Variants in SUSD6 observed in about 807,000 individuals in gnomAD.
The protein encoded by SUSD6 is sushi domain containing 6, also known as sushi domain-containing protein 6.
A neutral mutation model predicts 28.4 loss-of-function variants in SUSD6; 16 were observed. The observed-to-expected ratio is 0.56, with a 90% CI of 0.38 to 0.86. SUSD6 has a LOEUF of 0.86. SUSD6 is among the 40% of genes least tolerant of loss of function. SUSD6 has a pLI of 0.00. For missense variants in SUSD6, 341 were observed against 384.2 expected, an observed-to-expected ratio of 0.89 and a Z score of 0.94; for synonymous variants, 147 against 159.6, an observed-to-expected ratio of 0.92 and a Z score of 0.59.
rs181455105 is a variant in SUSD6 at position 69,695,339 on chromosome 14, T to C, written c.122-8056T>C. 1.8e-4 allele frequency among the ~76,000 whole-genome samples: 27 copies of C among 152,332 alleles called. No individual in the cohort carries two copies. The East Asian group carries it at 2.7e-3, about 15-fold the overall frequency. ...GAATCTGTCCCAATGCAGGAATTTC[T>C]GCATGGACAGGATGATCTCTAGCCC... On this transcript the variant is annotated intron_variant, in intron 2 of 5. Transcript: ENST00000342745.
intron 1 of SUSD6, among the ~76,000 whole-genome samples, chr14:69,624,892 ACTT>A (rs1177783038): frequency 6.6e-6 from 1 of 152,208 alleles, no homozygotes; most frequent in African/African-American, 2.4e-5. Flanking sequence ...GGGAACTTTA[ACTT>A]CTTAAACTTG....
chr14:69,644,603 A>G (rs1348839998), intron 1 of SUSD6, among the ~76,000 whole-genome samples: 2 of 152,030 alleles, frequency 1.3e-5, no homozygotes, highest in Non-Finnish European at 2.9e-5. Flanking sequence ...AGATTATGCC[A>G]CTGCACTCCA....
At chr14:69,617,858 G>C (rs1038247444) in intron 1 of SUSD6, among the ~76,000 whole-genome samples, 1 of 152,212 alleles carries the variant, frequency 6.6e-6, no homozygotes, top group African/African-American at 2.4e-5. Flanking sequence ...AAGGTAGGGA[G>C]GAGGGAGAGG....
At chr14:69,662,306 C>T (rs1416925928) in intron 2 of SUSD6, among the ~76,000 whole-genome samples, 1 of 152,124 alleles carries the variant, frequency 6.6e-6, no homozygotes, top group East Asian at 1.9e-4. Context: ...CGTCTCTGGT[C>T]GTAGATACCA....
intron 1 of SUSD6, among the ~76,000 whole-genome samples, chr14:69,648,740 G>A (rs545805067): frequency 6.6e-6 from 1 of 152,198 alleles, no homozygotes; most frequent in South Asian, 2.1e-4. Context: ...CCTGGAGGAG[G>A]TGTTTCCTGC....
intron 2 of SUSD6, among the ~76,000 whole-genome samples, chr14:69,682,947 CTTTTTTTTTT>C (rs5809442): frequency 1.6e-5 from 1 of 62,668 alleles, no homozygotes; most frequent in African/African-American, 4.8e-5. Flanking sequence ...TCCAAGAAGC[CTTTTTTTTTT>C]TTTTTTTTTT....
At chr14:69,615,176 A>C (rs955536271) in intron 1 of SUSD6, among the ~76,000 whole-genome samples, 1 of 152,172 alleles carries the variant, frequency 6.6e-6, no homozygotes, top group Non-Finnish European at 1.5e-5. Flanking sequence ...CATTTGGTTA[A>C]ATGTAAGCTT....
intron 1 of SUSD6, among the ~76,000 whole-genome samples, chr14:69,636,092 G>T (rs1885261597): frequency 6.6e-6 from 1 of 152,230 alleles, no homozygotes; most frequent in Non-Finnish European, 1.5e-5. Flanking sequence ...TATGAGAAGA[G>T]GAGGAATTGT....
chr14:69,617,741 C>T (rs1024086793), intron 1 of SUSD6: 40 of 152,228 alleles, frequency 2.6e-4, no homozygotes, highest in African/African-American at 9.6e-4. Context: ...TTCTCAGAAG[C>T]TTTTCCTTTT....
chr14:69,681,055 C>A (rs560092907), intron 2 of SUSD6, among the ~76,000 whole-genome samples: 2 of 152,156 alleles, frequency 1.3e-5, no homozygotes, highest in Non-Finnish European at 2.9e-5. Flanking sequence ...AAGGAAGATG[C>A]CTTTTTTGTG....
intron 2 of SUSD6, among the ~76,000 whole-genome samples, chr14:69,674,782 C>T (rs1045917641): frequency 2.0e-5 from 3 of 152,130 alleles, no homozygotes; most frequent in Non-Finnish European, 4.4e-5. Context: ...CCTGTCTTTT[C>T]AGCCTCTATC....
intron 1 of SUSD6, among the ~76,000 whole-genome samples, chr14:69,640,884 A>G (rs562934833): frequency 5.9e-5 from 9 of 152,356 alleles, no homozygotes; most frequent in South Asian, 4.1e-4. Context: ...TTCTGAGGAC[A>G]TAGATATAAA....
chr14:69,652,562 G>C (rs1199825277), intron 1 of SUSD6, among the ~76,000 whole-genome samples: 1 of 152,206 alleles, frequency 6.6e-6, no homozygotes, highest in Non-Finnish European at 1.5e-5. Flanking sequence ...GACCCCTCTT[G>C]CCTTTAGGAG....
chr14:69,644,620 C>G (rs534678519), intron 1 of SUSD6, among the ~76,000 whole-genome samples: 2 of 150,962 alleles, frequency 1.3e-5, no homozygotes, highest in Non-Finnish European at 2.9e-5. Flanking sequence ...TCCAGCCTTG[C>G]GACAGAGTGA....
At chr14:69,704,139 G>C (rs1886351085) in intron 3 of SUSD6, among the ~76,000 whole-genome samples, 1 of 152,174 alleles carries the variant, frequency 6.6e-6, no homozygotes, top group African/African-American at 2.4e-5. Context: ...ACCAACCTGA[G>C]AGTTACAATT....
At chr14:69,690,770 A>G (rs1257468429) in intron 2 of SUSD6, among the ~76,000 whole-genome samples, 1 of 152,226 alleles carries the variant, frequency 6.6e-6, no homozygotes, top group African/African-American at 2.4e-5. Flanking sequence ...AAGATGAAGG[A>G]GGAAGAATAT....
intron 1 of SUSD6, among the ~76,000 whole-genome samples, chr14:69,623,745 G>A (rs890597466): frequency 1.3e-5 from 2 of 152,146 alleles, no homozygotes; most frequent in Non-Finnish European, 2.9e-5. Flanking sequence ...TGTAGGCCTA[G>A]GCTAATGTGT....
intron 1 of SUSD6, among the ~76,000 whole-genome samples, chr14:69,637,132 T>G (rs1273435229): frequency 6.6e-6 from 1 of 152,138 alleles, no homozygotes; most frequent in Non-Finnish European, 1.5e-5. Context: ...CTTTTTGATG[T>G]GTTTCTTCTC....
At position 69,696,483 on chromosome 14, in the gene SUSD6, A is replaced by G. The variant is rs1886227292; in HGVS notation, c.122-6912A>G. ...GCTTCTACAAACCATTGAAGGCTAG[A>G]AGTAGAAATATAACCTTTATATATA... On this transcript the variant is annotated intron_variant, in intron 2 of 5. Transcript: ENST00000342745. Among the ~76,000 whole-genome samples, 3 of 152,222 alleles carry G rather than the reference A, an allele frequency of 2.0e-5. No individual in the cohort carries two copies. In the South Asian group the frequency reaches 6.2e-4, roughly 32 times the overall value.
Sources: gnomAD v4.1 joint callset for allele counts (sites outside exome capture counted in the v4.1 genomes callset) on GRCh38, gnomAD v4.1.1 for gene constraint, MANE v1.5 for transcripts, NCBI Gene and HGNC (gene_info 2026-07-23, HGNC 2026-07-21) for gene names.